SLC14A2: variants seen among roughly 807,000 people sequenced by gnomAD.
SLC14A2 encodes the protein urea transporter 2.
A neutral mutation model predicts 104.6 loss-of-function variants in SLC14A2; 91 were observed. That is an observed-to-expected ratio of 0.87 (90% confidence interval 0.73 to 1.04). The LOEUF is 1.04. SLC14A2 is among the 50% of genes least tolerant of loss of function. The pLI is 0.00. For missense variants in SLC14A2, 1,189 were observed against 1,156.0 expected, an observed-to-expected ratio of 1.03 and a Z score of -0.41; for synonymous variants, 476 against 466.4, an observed-to-expected ratio of 1.02 and a Z score of -0.27.
At chr18:45,280,368 T>C (rs1405756717) in intron 1 of SLC14A2, among the ~76,000 whole-genome samples, 1 of 152,044 alleles carries the variant, frequency 6.6e-6, no homozygotes, top group Non-Finnish European at 1.5e-5. Flanking sequence ...ACAGCCCAGG[T>C]TCAAAGGCAT....
intron 6 of SLC14A2, among the ~76,000 whole-genome samples, chr18:45,638,918 CCCT>C (rs1488076227): frequency 1.3e-5 from 2 of 152,200 alleles, no homozygotes; most frequent in Admixed American, 1.3e-4. Flanking sequence ...CTGCCATTCT[CCCT>C]CCTTTCTTTT....
chr18:45,479,020 A>C (rs1023542765), intron 1 of SLC14A2, among the ~76,000 whole-genome samples: 3 of 152,190 alleles, frequency 2.0e-5, no homozygotes, highest in African/African-American at 7.2e-5. Context: ...GTGCTCTGCG[A>C]GCTTTGCTTG....
intron 1 of SLC14A2, among the ~76,000 whole-genome samples, chr18:45,341,595 CTTTTTTTTTT>C (rs376534367): frequency 1.1e-4 from 9 of 83,162 alleles, no homozygotes; most frequent in East Asian, 6.1e-4. Context: ...TCTAGTATTA[CTTTTTTTTTT>C]TTTTTTTTTT....
chr18:45,307,510 C>T (rs917526762), intron 1 of SLC14A2, among the ~76,000 whole-genome samples: 2 of 151,796 alleles, frequency 1.3e-5, no homozygotes, highest in East Asian at 1.9e-4. Flanking sequence ...AATTCAGAGG[C>T]GAATGGCCTG....
chr18:45,434,481 G>C (rs1343606186), intron 1 of SLC14A2, among the ~76,000 whole-genome samples: 1 of 152,130 alleles, frequency 6.6e-6, no homozygotes, highest in African/African-American at 2.4e-5. Context: ...TGTTGTTGTT[G>C]TTGTTGTTTG....
chr18:45,183,704 CTTCTCTCTTTCTTTTCT>C, the SLC14A2 span, among the ~76,000 whole-genome samples: 3 of 147,258 alleles, frequency 2.0e-5, no homozygotes, highest in African/African-American at 2.5e-5. Context: ...TCTGTCTCTC[CTTCTCTCTTTCTTTTCT>C]TTCTCTCTTT....
At chr18:45,297,151 A>C (rs1449484181) in intron 1 of SLC14A2, among the ~76,000 whole-genome samples, 1 of 152,244 alleles carries the variant, frequency 6.6e-6, no homozygotes, top group Non-Finnish European at 1.5e-5. Flanking sequence ...AACAATCAAT[A>C]TAAGAGATCA....
intron 2 of SLC14A2, among the ~76,000 whole-genome samples, chr18:45,542,545 T>C (rs2043907100): frequency 6.6e-6 from 1 of 152,222 alleles, no homozygotes; most frequent in Admixed American, 6.5e-5. Context: ...TAAAGATGTA[T>C]CTTGTTTTAT....
chr18:45,264,768 C>G (rs1168959672), intron 1 of SLC14A2, among the ~76,000 whole-genome samples: 1 of 152,132 alleles, frequency 6.6e-6, no homozygotes, highest in Non-Finnish European at 1.5e-5. Flanking sequence ...GGGTCCGTCC[C>G]ATAACACATG....
intron 1 of SLC14A2, among the ~76,000 whole-genome samples, chr18:45,270,822 G>A (rs1354943721): frequency 6.6e-6 from 1 of 152,172 alleles, no homozygotes; most frequent in Non-Finnish European, 1.5e-5. Context: ...AATTGGCTAA[G>A]AGATGGAGTT....
chr18:45,316,002 C>G (rs2085125816), intron 1 of SLC14A2, among the ~76,000 whole-genome samples: 2 of 152,212 alleles, frequency 1.3e-5, no homozygotes, highest in Non-Finnish European at 2.9e-5. Context: ...AGACTTTTCT[C>G]TGTGCCTCCT....
intron 2 of SLC14A2, among the ~76,000 whole-genome samples, chr18:45,587,202 T>G (rs1294702083): frequency 6.6e-6 from 1 of 152,182 alleles, no homozygotes; most frequent in East Asian, 1.9e-4. Flanking sequence ...TTTGAACTCC[T>G]GGCCTCAAGT....
At chr18:45,351,079 T>C (rs997849233) in intron 1 of SLC14A2, among the ~76,000 whole-genome samples, 3 of 152,178 alleles carry the variant, frequency 2.0e-5, no homozygotes, top group African/African-American at 7.2e-5. Flanking sequence ...TCTATGTGTG[T>C]AATTGTCTTT....
chr18:45,622,952 T>A (rs2045199140), intron 1 of SLC14A2, among the ~76,000 whole-genome samples: 1 of 152,208 alleles, frequency 6.6e-6, no homozygotes, highest in South Asian at 2.1e-4. Context: ...CTAGCCATGT[T>A]CAGTTGTTTG....
At chr18:45,341,365 C>G (rs914461792) in intron 1 of SLC14A2, among the ~76,000 whole-genome samples, 1 of 152,196 alleles carries the variant, frequency 6.6e-6, no homozygotes, top group African/African-American at 2.4e-5. Context: ...TTGGTAACCT[C>G]ATTTGCAGTC....
At chr18:45,646,949 T>A (rs2045636274) in intron 10 of SLC14A2, 1 of 152,190 alleles carries the variant, frequency 6.6e-6, no homozygotes. Context: ...AGTGTCTATG[T>A]TGAACATAAA....
intron 1 of SLC14A2, among the ~76,000 whole-genome samples, chr18:45,297,757 C>T (rs931787934): frequency 7.2e-5 from 11 of 152,154 alleles, no homozygotes; most frequent in South Asian, 6.2e-4. Context: ...ACACCATTCC[C>T]GGCTGGACAA....
chr18:45,609,934 G>A (rs2044944377), intron 2 of SLC14A2, among the ~76,000 whole-genome samples: 1 of 152,218 alleles, frequency 6.6e-6, no homozygotes, highest in African/African-American at 2.4e-5. Context: ...GATGCAGGAT[G>A]CAAATGGCAT....
intron 2 of SLC14A2, among the ~76,000 whole-genome samples, chr18:45,580,595 T>C (rs1568284507): frequency 6.6e-6 from 1 of 152,228 alleles, no homozygotes. Flanking sequence ...TTCTCAGTTA[T>C]GGCTTAGCAT....
Sources: gnomAD v4.1 joint callset for allele counts (sites outside exome capture counted in the v4.1 genomes callset) on GRCh38, gnomAD v4.1.1 for gene constraint, MANE v1.5 for transcripts, NCBI Gene and HGNC (gene_info 2026-07-23, HGNC 2026-07-21) for gene names.